CWC27: variants seen among roughly 807,000 people sequenced by gnomAD.
The protein encoded by CWC27 is spliceosome-associated protein CWC27 homolog.
A neutral mutation model predicts 63.6 loss-of-function variants in CWC27; 47 were observed. The observed-to-expected ratio is 0.74, with a 90% CI of 0.58 to 0.94. The LOEUF (loss-of-function observed/expected upper bound fraction) is 0.94, where lower values mean the gene tolerates loss of function less well. CWC27 is among the 40% of genes least tolerant of loss of function. CWC27 has a pLI of 0.00. For synonymous variants in CWC27, 175 were observed against 179.8 expected, an observed-to-expected ratio of 0.97 and a Z score of 0.22; for missense variants, 495 against 554.3, an observed-to-expected ratio of 0.89 and a Z score of 1.07.
At chr5:64,909,310 A>C (rs1747733774) in intron 11 of CWC27, among the ~76,000 whole-genome samples, 1 of 152,186 alleles carries the variant, frequency 6.6e-6, no homozygotes, top group African/African-American at 2.4e-5. Context: ...TTCCACTGTC[A>C]GTCTGATGGG....
intron 13 of CWC27, among the ~76,000 whole-genome samples, chr5:64,990,264 T>TG (rs1561181438): frequency 1.8e-4 from 7 of 39,976 alleles, no homozygotes; most frequent in African/African-American, 8.6e-4. Context: ...TTTTTTTTTT[T>TG]TGTTTTTTTT....
chr5:64,969,395 C>T (rs1293476767), intron 11 of CWC27, among the ~76,000 whole-genome samples: 5 of 152,134 alleles, frequency 3.3e-5, no homozygotes, highest in Non-Finnish European at 7.3e-5. Flanking sequence ...TTACAAACTT[C>T]TGCCCTAGGA....
At chr5:64,896,258 A>G (rs1462698436) in intron 11 of CWC27, among the ~76,000 whole-genome samples, 3 of 152,210 alleles carry the variant, frequency 2.0e-5, no homozygotes, top group African/African-American at 7.2e-5. Flanking sequence ...AAGCTGAAAA[A>G]CATTGCTACC....
chr5:64,994,492 T>A (rs1461913030), intron 13 of CWC27, among the ~76,000 whole-genome samples: 1 of 152,210 alleles, frequency 6.6e-6, no homozygotes. Context: ...AAAACTTTTT[T>A]AAAATTGAGA....
intron 11 of CWC27, among the ~76,000 whole-genome samples, chr5:64,900,921 T>G (rs908175522): frequency 6.6e-6 from 1 of 152,290 alleles, no homozygotes; most frequent in East Asian, 1.9e-4. Context: ...GTGGGCCACA[T>G]GTGGCCCAGG....
At chr5:64,929,382 G>C (rs1248696900) in intron 11 of CWC27, among the ~76,000 whole-genome samples, 1 of 152,030 alleles carries the variant, frequency 6.6e-6, no homozygotes. Flanking sequence ...GTGGGGAGAG[G>C]GCGGAAGAGT....
At chr5:65,013,902 A>G (rs1243263022) in intron 13 of CWC27, among the ~76,000 whole-genome samples, 3 of 152,160 alleles carry the variant, frequency 2.0e-5, no homozygotes, top group Admixed American at 6.6e-5. Flanking sequence ...TTGGAATTCT[A>G]TATTAGACTA....
At position 64,882,656 on chromosome 5, in the gene CWC27, C is replaced by G. The variant is rs1746969697; in HGVS notation, c.939-2787C>G. ...TCGCCCAGGCTGGAGTGCAGTGGTG[C>G]GATCTTGGCTCACTGCAGGCTCCGC... On this transcript the variant is annotated intron_variant, in intron 10 of 13. Transcript: ENST00000381070. 2.6e-5 allele frequency among the ~76,000 whole-genome samples: 4 copies of G among 152,254 alleles called. No individual in the cohort carries two copies. The South Asian group carries it at 8.3e-4, about 32-fold the overall frequency.
intron 10 of CWC27, among the ~76,000 whole-genome samples, chr5:64,815,160 A>T (rs1744991917): frequency 6.6e-6 from 1 of 152,080 alleles, no homozygotes; most frequent in South Asian, 2.1e-4. Context: ...GTATATCCTG[A>T]ATTGTTTCTT....
At chr5:64,869,165 T>TG (rs1374053142) in intron 10 of CWC27, among the ~76,000 whole-genome samples, 3 of 152,084 alleles carry the variant, frequency 2.0e-5, no homozygotes, top group Non-Finnish European at 4.4e-5. Context: ...TACTGAAACT[T>TG]GCCATGTATC....
At chr5:64,899,471 A>G (rs887539953) in intron 11 of CWC27, among the ~76,000 whole-genome samples, 4 of 152,208 alleles carry the variant, frequency 2.6e-5, no homozygotes, top group African/African-American at 9.6e-5. Context: ...CTAAGGAAAA[A>G]AAGAATAACA....
At chr5:64,788,548 C>T (rs1743962895) in intron 6 of CWC27, among the ~76,000 whole-genome samples, 1 of 151,770 alleles carries the variant, frequency 6.6e-6, no homozygotes, top group Non-Finnish European at 1.5e-5. Context: ...TTGCCAAATA[C>T]TAGATTAATT....
intron 11 of CWC27, among the ~76,000 whole-genome samples, chr5:64,932,081 C>T (rs1191225869): frequency 6.6e-6 from 1 of 151,992 alleles, no homozygotes; most frequent in Non-Finnish European, 1.5e-5. Context: ...TACTAACTCT[C>T]CTAAGTGATT....
intron 13 of CWC27, among the ~76,000 whole-genome samples, chr5:64,985,763 G>A (rs1749413170): frequency 6.6e-6 from 1 of 151,974 alleles, no homozygotes; most frequent in Non-Finnish European, 1.5e-5. Context: ...TACTGCTCTG[G>A]CTAAGACTTC....
chr5:64,819,663 GAAA>G, intron 10 of CWC27, among the ~76,000 whole-genome samples: 1 of 152,126 alleles, frequency 6.6e-6, no homozygotes, highest in Non-Finnish European at 1.5e-5. Context: ...CCAGCCATGT[GAAA>G]CTGTGAGTCA....
chr5:64,947,283 G>GTATGC (rs1396384469), intron 11 of CWC27, among the ~76,000 whole-genome samples: 2 of 152,060 alleles, frequency 1.3e-5, no homozygotes, highest in East Asian at 3.9e-4. Context: ...GAGGGGGCTG[G>GTATGC]TATGCATACA....
At chr5:64,940,803 G>T (rs1325359097) in intron 11 of CWC27, among the ~76,000 whole-genome samples, 3 of 147,948 alleles carry the variant, frequency 2.0e-5, no homozygotes, top group Non-Finnish European at 4.5e-5. Context: ...TACTTGGCCA[G>T]TGGGAGCTCC....
At chr5:64,783,746 A>G (rs1403579243) in intron 3 of CWC27, 90 bp from the exon 4 acceptor site, 2 of 1,094,948 alleles carry the variant, frequency 1.8e-6, no homozygotes, top group East Asian at 5.7e-5. Flanking sequence ...TTTTATTAGA[A>G]GTTGTATGGG....
intron 10 of CWC27, among the ~76,000 whole-genome samples, chr5:64,843,647 A>G (rs1462923085): frequency 6.6e-6 from 1 of 152,180 alleles, no homozygotes; most frequent in Non-Finnish European, 1.5e-5. Context: ...AACAGAAGAG[A>G]AAAACCTTAT....
Sources: gnomAD v4.1 joint callset for allele counts (sites outside exome capture counted in the v4.1 genomes callset) on GRCh38, gnomAD v4.1.1 for gene constraint, MANE v1.5 for transcripts, NCBI Gene and HGNC (gene_info 2026-07-23, HGNC 2026-07-21) for gene names.